Variants in ZNF723 observed in about 807,000 individuals in gnomAD.
ZNF723 encodes the protein zinc finger protein 723, pseudogene.
A neutral mutation model predicts 9.4 loss-of-function variants in ZNF723; 5 were observed. The observed-to-expected ratio is 0.53, with a 90% CI of 0.28 to 1.12. The LOEUF (loss-of-function observed/expected upper bound fraction) is 1.12. Among genes scored for constraint, ZNF723 ranks in the 50% most tolerant of loss-of-function variants. ZNF723 has a pLI of 0.10. For synonymous variants in ZNF723, 158 were observed against 168.8 expected, an observed-to-expected ratio of 0.94 and a Z score of 0.49; for missense variants, 450 against 501.5, an observed-to-expected ratio of 0.90 and a Z score of 0.98.
At chr19:22,846,813 CTTTTTTTTTT>C (rs760924027) in intron 1 of ZNF723, among the ~76,000 whole-genome samples, 6 of 69,132 alleles carry the variant, frequency 8.7e-5, no homozygotes, top group East Asian at 4.9e-4. Flanking sequence ...CTATAATTTC[CTTTTTTTTTT>C]TTTTTTTTTT....
Position 22,841,225 on chromosome 19 carries a change from C to T in ZNF723, c.4-7036C>T, listed in dbSNP as rs1967241559. Among the ~76,000 whole-genome samples, 5 of 152,216 alleles carry T rather than the reference C, an allele frequency of 3.3e-5. No homozygotes were observed. In the South Asian group the frequency reaches 1.0e-3, roughly 31 times the overall value. On this transcript the variant is annotated intron_variant, in intron 1 of 3. Transcript: ENST00000600766. The stretch of plus-strand genomic sequence containing the variant: ...TGGCTTCATGTTGCAGAATTAACCT[C>T]CTGTTATGAAGATGTGAAAAGTTTA...
At chr19:22,813,489 C>G in the ZNF723 span, among the ~76,000 whole-genome samples, 1 of 152,068 alleles carries the variant, frequency 6.6e-6, no homozygotes, top group African/African-American at 2.4e-5. Context: ...CTTGGCAATG[C>G]CTACAGGGGA....
the ZNF723 span, among the ~76,000 whole-genome samples, chr19:22,818,699 T>A: frequency 6.6e-6 from 1 of 152,222 alleles, no homozygotes; most frequent in Admixed American, 6.5e-5. Context: ...CTTTCCTGTA[T>A]GACCCAAGCC....
At position 22,857,557 on chromosome 19, in the gene ZNF723, T is replaced by G; in HGVS notation, c.666T>G (p.Ile222Met). 1 of 1,337,256 alleles carries G rather than the reference T, an allele frequency of 7.5e-7. No homozygotes were observed. The allele number at this position is 1,337,256 out of a possible 1,614,324, so 82.8% of individuals were successfully genotyped here. A position where few individuals can be genotyped will look rare whatever the true frequency, so the allele number is the denominator to read the frequency against. ...VPSKLNNHKRIHTGEKPYKCE... is the reference protein window; with the variant it reads ...VPSKLNNHKRMHTGEKPYKCE... ...CAAAGCTTAATAATCATAAGAGAAT[T>G]CATACTGGAGAGAAACCCTACAAAT... is the stretch of plus-strand genomic sequence containing the variant. Residue 222 changes from isoleucine (I) to methionine (M), a missense_variant, in exon 4 of 4, where the codon ATT (isoleucine) becomes ATG (methionine). Physicochemically the swap from Ile to Met is conservative, Grantham distance 10. Coordinates refer to ENST00000600766, the MANE Select transcript of ZNF723 (RefSeq NM_001349726.2).
chr19:22,833,425 A>C (rs1274723285), intron 1 of ZNF723, among the ~76,000 whole-genome samples: 1 of 151,936 alleles, frequency 6.6e-6, no homozygotes, highest in East Asian at 1.9e-4. Flanking sequence ...TGCTGGGAGT[A>C]CAGGCGTGAG....
chr19:22,843,674 C>A (rs1212863856), intron 1 of ZNF723, among the ~76,000 whole-genome samples: 1 of 151,970 alleles, frequency 6.6e-6, no homozygotes. Flanking sequence ...TATTTGGGCC[C>A]CTTTCTTTAT....
At chr19:22,834,371 T>C (rs1967139844) in intron 1 of ZNF723, among the ~76,000 whole-genome samples, 1 of 152,198 alleles carries the variant, frequency 6.6e-6, no homozygotes, top group Non-Finnish European at 1.5e-5. Context: ...AATAAATCTT[T>C]GTGTGTCTTT....
intron 1 of ZNF723, among the ~76,000 whole-genome samples, chr19:22,832,654 C>T (rs1967112283): frequency 6.6e-6 from 1 of 152,184 alleles, no homozygotes; most frequent in South Asian, 2.1e-4. Flanking sequence ...GAGTCTCTCC[C>T]AGATTGTGCA....
chr19:22,829,290 T>C (rs943646301), upstream of ZNF723, among the ~76,000 whole-genome samples: 1 of 50,782 alleles, frequency 2.0e-5, no homozygotes, highest in Non-Finnish European at 3.4e-5. Flanking sequence ...GTAAGTACTC[T>C]TTTTTTTTTT....
chr19:22,838,598 A>C (rs12981220), intron 1 of ZNF723, among the ~76,000 whole-genome samples: 30,239 of 151,704 alleles, frequency 0.2, 3,520 homozygotes, highest in African/African-American at 0.32. Flanking sequence ...TTTCAGCATT[A>C]GTTTTCTAAG....
At chr19:22,834,135 C>T (rs1044396582) in intron 1 of ZNF723, among the ~76,000 whole-genome samples, 3 of 151,054 alleles carry the variant, frequency 2.0e-5, no homozygotes, top group Non-Finnish European at 4.4e-5. Context: ...AGGCTGGTAT[C>T]GAACACCTGA....
chr19:22,823,887 C>T, the ZNF723 span, among the ~76,000 whole-genome samples: 2 of 152,318 alleles, frequency 1.3e-5, no homozygotes, highest in African/African-American at 4.8e-5. Context: ...ATGTGATGTA[C>T]TTCTTCTGCC....
At chr19:22,838,498 G>A (rs1207241416) in intron 1 of ZNF723, among the ~76,000 whole-genome samples, 1 of 151,886 alleles carries the variant, frequency 6.6e-6, no homozygotes, top group Non-Finnish European at 1.5e-5. Context: ...GTTGTGGTGA[G>A]CTGAGATCTA....
chr19:22,850,111 G>GT (rs11451632), intron 3 of ZNF723, among the ~76,000 whole-genome samples: 30,007 of 145,832 alleles, frequency 0.21, 3,509 homozygotes, highest in African/African-American at 0.33. Flanking sequence ...CTCCTGGTTT[G>GT]TTTTTTTTTT....
At chr19:22,832,272 T>C (rs1967106901), upstream of ZNF723, 2 of 1,160,242 alleles carry the variant, frequency 1.7e-6, no homozygotes, top group Non-Finnish European at 2.4e-6. Context: ...ACAGGGCGGC[T>C]TCCGGGATTT....
At chr19:22,815,351 C>G in the ZNF723 span, among the ~76,000 whole-genome samples, 1 of 152,102 alleles carries the variant, frequency 6.6e-6, no homozygotes, top group African/African-American at 2.4e-5. Flanking sequence ...TATCACTGGA[C>G]CCAGGCACCA....
the ZNF723 span, among the ~76,000 whole-genome samples, chr19:22,827,136 A>G: frequency 6.6e-6 from 1 of 152,242 alleles, no homozygotes; most frequent in Admixed American, 6.5e-5. Flanking sequence ...ATTCTAATGT[A>G]AAGGCTGTGG....
At chr19:22,856,834 A>C (rs1053061053) in intron 3 of ZNF723, among the ~76,000 whole-genome samples, 1 of 152,154 alleles carries the variant, frequency 6.6e-6, no homozygotes, top group South Asian at 2.1e-4. Flanking sequence ...TCTTTGCTAT[A>C]TTGGGGAGCA....
intron 1 of ZNF723, among the ~76,000 whole-genome samples, chr19:22,844,370 G>A (rs1381408140): frequency 6.6e-6 from 1 of 151,948 alleles, no homozygotes; most frequent in African/African-American, 2.4e-5. Context: ...AGCTTTTATT[G>A]TATACATTTT....
Sources: allele counts gnomAD v4.1 joint callset (sites outside exome capture counted in the v4.1 genomes callset), GRCh38; gene constraint gnomAD v4.1.1; transcripts MANE v1.5; gene names NCBI Gene and HGNC (gene_info 2026-07-23, HGNC 2026-07-21).